The following QTMAN variants were observed in gnomAD, a reference collection of about 807,000 sequenced individuals.
QTMAN encodes the protein tRNA-queuosine alpha-mannosyltransferase.
chr2:144,330,278 ATGC>A, the QTMAN span, among the ~76,000 whole-genome samples: 8 of 152,220 alleles, frequency 5.3e-5, no homozygotes, highest in Non-Finnish European at 1.0e-4. Flanking sequence ...GTACGGTAAC[ATGC>A]TGAACAGGGA....
the QTMAN span, chr2:143,952,820 C>T: frequency 6.2e-7 from 1 of 1,607,708 alleles, no homozygotes; most frequent in Non-Finnish European, 8.5e-7. Flanking sequence ...AAGTGGGTAA[C>T]ACCCACAGTA....
the QTMAN span, among the ~76,000 whole-genome samples, chr2:144,022,426 ACTGC>A: frequency 6.6e-6 from 1 of 151,912 alleles, no homozygotes; most frequent in South Asian, 2.1e-4. Context: ...AGTAGCTGGG[ACTGC>A]AGATTCATGC....
the QTMAN span, among the ~76,000 whole-genome samples, chr2:144,154,899 T>C: frequency 6.6e-6 from 1 of 152,172 alleles, no homozygotes; most frequent in African/African-American, 2.4e-5. Context: ...GCTTAACAAA[T>C]ATTTTCAAAT....
At chr2:144,084,276 T>C in the QTMAN span, among the ~76,000 whole-genome samples, 1 of 152,226 alleles carries the variant, frequency 6.6e-6, no homozygotes, top group Non-Finnish European at 1.5e-5. Flanking sequence ...CTATCTTTCT[T>C]TTGCTTTGGT....
chr2:143,939,166 A>G, the QTMAN span: 1 of 152,232 alleles, frequency 6.6e-6, no homozygotes, highest in Non-Finnish European at 1.5e-5. Context: ...TCTGTAAAAT[A>G]AGTAAGGTGA....
the QTMAN span, chr2:144,006,535 T>C: frequency 5.3e-5 from 8 of 152,126 alleles, no homozygotes; most frequent in African/African-American, 1.7e-4. Context: ...TACCAGAAGA[T>C]TATCAGGACA....
At chr2:143,986,324 C>T in the QTMAN span, among the ~76,000 whole-genome samples, 4 of 152,240 alleles carry the variant, frequency 2.6e-5, no homozygotes, top group Admixed American at 2.0e-4. Flanking sequence ...GGAATTCATT[C>T]GATGGAGGAG....
the QTMAN span, chr2:143,945,913 G>A: frequency 6.6e-6 from 1 of 152,142 alleles, no homozygotes; most frequent in Admixed American, 6.5e-5. Context: ...TTGTTCATCC[G>A]GAAAAGAAAC....
At chr2:144,332,301 C>T in the QTMAN span, 1 of 150,228 alleles carries the variant, frequency 6.7e-6, no homozygotes, top group African/African-American at 2.4e-5. Context: ...CTCCCCGCGC[C>T]GCAGCCGCCG....
At chr2:144,225,135 A>C in the QTMAN span, among the ~76,000 whole-genome samples, 1 of 152,190 alleles carries the variant, frequency 6.6e-6, no homozygotes, top group African/African-American at 2.4e-5. Context: ...CATGTTCCAC[A>C]GACCACCAAA....
chr2:144,326,437 A>G, the QTMAN span, among the ~76,000 whole-genome samples: 1 of 152,072 alleles, frequency 6.6e-6, no homozygotes, highest in African/African-American at 2.4e-5. Context: ...ACTACAAAAA[A>G]TAAGCCGGGC....
the QTMAN span, among the ~76,000 whole-genome samples, chr2:144,297,662 T>C: frequency 1.4e-5 from 2 of 145,106 alleles, no homozygotes; most frequent in Non-Finnish European, 3.0e-5. Flanking sequence ...CTCACTGCAA[T>C]CTCCACCTCC....
chr2:144,121,031 C>G, the QTMAN span, among the ~76,000 whole-genome samples: 1 of 152,100 alleles, frequency 6.6e-6, no homozygotes, highest in Non-Finnish European at 1.5e-5. Context: ...TTAAAGGGAA[C>G]AGCTAAGACT....
At chr2:144,190,609 G>T in the QTMAN span, among the ~76,000 whole-genome samples, 1 of 152,152 alleles carries the variant, frequency 6.6e-6, no homozygotes, top group African/African-American at 2.4e-5. Context: ...CTTTATCTTA[G>T]CTGGGATTAT....
chr2:144,235,057 A>T, the QTMAN span, among the ~76,000 whole-genome samples: 1 of 152,170 alleles, frequency 6.6e-6, no homozygotes, highest in African/African-American at 2.4e-5. Flanking sequence ...CTCGCCTTTT[A>T]TATTTCTTTT....
chr2:144,065,754 G>T, the QTMAN span, among the ~76,000 whole-genome samples: 2 of 147,320 alleles, frequency 1.4e-5, no homozygotes, highest in South Asian at 4.4e-4. Context: ...TTGGGTAAAA[G>T]AAAATAACTT....
the QTMAN span, among the ~76,000 whole-genome samples, chr2:144,211,916 T>C: frequency 6.6e-6 from 1 of 152,194 alleles, no homozygotes. Flanking sequence ...TACAGACATT[T>C]TTGCACCACT....
chr2:144,175,632 T>G, the QTMAN span, among the ~76,000 whole-genome samples: 468 of 152,010 alleles, frequency 3.1e-3, 20 homozygotes, highest in East Asian at 0.071. Context: ...TATAGAGAGA[T>G]ATTTATCTGT....
At chr2:144,294,618 G>C in the QTMAN span, 1 of 152,150 alleles carries the variant, frequency 6.6e-6, no homozygotes, top group African/African-American at 2.4e-5. Context: ...GTGTGTGTAT[G>C]TGTGTGTGTA....
Sources: allele counts gnomAD v4.1 joint callset (sites outside exome capture counted in the v4.1 genomes callset), GRCh38; gene constraint gnomAD v4.1.1; transcripts MANE v1.5; gene names NCBI Gene and HGNC (gene_info 2026-07-23, HGNC 2026-07-21).